Variants in CACNA1I observed in about 807,000 individuals in gnomAD.
CACNA1I encodes the protein calcium voltage-gated channel subunit alpha1 I.
Under a neutral mutation model 201.6 loss-of-function variants are expected in CACNA1I, and 74 were observed. The observed-to-expected ratio is 0.37, with a 90% CI of 0.30 to 0.45. CACNA1I has a LOEUF of 0.45. Among genes scored for constraint, CACNA1I ranks in the 20% least tolerant of loss-of-function variants. CACNA1I has a pLI of 1.00. For synonymous variants in CACNA1I, 1,431 were observed against 1,345.2 expected, an observed-to-expected ratio of 1.06 and a Z score of -1.40; for missense variants, 2,346 against 3,138.1, an observed-to-expected ratio of 0.75 and a Z score of 6.03.
chr22:39,648,248 C>T lies in CACNA1I; in HGVS notation c.1567+322C>T, dbSNP rs963716919. Among the ~76,000 whole-genome samples, 4 of 152,076 alleles carry T rather than the reference C, an allele frequency of 2.6e-5. No individual in the cohort carries two copies. Among genetic ancestry groups the T allele is most frequent in the Admixed American group, 1.3e-4 (2 of 15,286 alleles). On this transcript the variant is annotated intron_variant, in intron 9 of 36. Coordinates refer to ENST00000402142, the MANE Select transcript of CACNA1I (RefSeq NM_021096.4). This position sits in a 1 kb window ranked among gnomAD's most constrained non-coding sequence, Gnocchi z 5.4. ...CGTCCTCGGGTGCCAGCCATCCAGG[C>T]GTGGGCTCGGAGGAGGCCCCAGGTG...
Position 39,677,458 on chromosome 22 carries a change from G to C in CACNA1I, c.4933+39G>C, listed in dbSNP as rs1318501806. 2 of 1,397,556 alleles carry C rather than the reference G, an allele frequency of 1.4e-6. No homozygotes were observed. The highest frequency in any genetic ancestry group is 2.7e-5 in the South Asian group (2 of 73,900). 86.6% of individuals were successfully genotyped at this position (1,397,556 alleles called of 1,614,324 possible). On this transcript the variant is annotated intron_variant, in intron 30 of 36. Coordinates refer to ENST00000402142, the MANE Select transcript of CACNA1I (RefSeq NM_021096.4). This position sits in a 1 kb window ranked among gnomAD's most constrained non-coding sequence, Gnocchi z 4.8. ...AGAGCAGGCCCGTGGTGGGGGTGCA[G>C]CAGGGCTGCAGGAGGAACTGGGGGG...
At chr22:39,613,390 T>C (rs186245846) in intron 3 of CACNA1I, among the ~76,000 whole-genome samples, 7 of 152,284 alleles carry the variant, frequency 4.6e-5, no homozygotes, top group Admixed American at 6.5e-5. Context: ...AGAGCTCATC[T>C]CTGCCTGGGG....
At chr22:39,597,027 TGTTAA>T (rs1932908217) in intron 1 of CACNA1I, among the ~76,000 whole-genome samples, 1 of 152,192 alleles carries the variant, frequency 6.6e-6, no homozygotes, top group Non-Finnish European at 1.5e-5. Flanking sequence ...AGTCATTGCC[TGTTAA>T]GTTCAGTCAG....
At chr22:39,598,936 C>G in intron 2 of CACNA1I, among the ~76,000 whole-genome samples, 1 of 106,688 alleles carries the variant, frequency 9.4e-6, no homozygotes, top group East Asian at 2.8e-4. Flanking sequence ...CTTTCTGCCT[C>G]TTGGGTTTTT....
At chr22:39,620,140 C>T (rs533299235) in intron 4 of CACNA1I, among the ~76,000 whole-genome samples, 6 of 121,572 alleles carry the variant, frequency 4.9e-5, no homozygotes, top group African/African-American at 1.7e-4. Context: ...TCCATCCATC[C>T]ACCCACCCAT....
At position 39,663,794 on chromosome 22, in the gene CACNA1I, T is replaced by G. The variant is rs1288329743; in HGVS notation, c.3550T>G (p.Cys1184Gly). The change falls in exon 19 of 37, where the codon TGC becomes GGC. Residue 1184 changes from cysteine to glycine, a missense_variant. By Grantham distance (159) the Cys-to-Gly change is radical (BLOSUM62 -3). This residue lies in a region of CACNA1I where 158 missense variants were observed against 231.6 expected (regional missense o/e 0.68). Coordinates refer to ENST00000402142, the MANE Select transcript of CACNA1I (RefSeq NM_021096.4). ...YVVLAFIFLN[C>G]ITIALERPQI... ...CGTCCTGGCCTTCATCTTTCTCAAC[T>G]GCATCACCATCGCCCTGGAGCGGCC... 6.5e-7 allele frequency: 1 copy of G among 1,531,848 alleles called. No individual in the cohort carries two copies. The highest frequency in any genetic ancestry group is 8.9e-7 in the Non-Finnish European group (1 of 1,127,306). 94.9% of individuals were successfully genotyped at this position (1,531,848 alleles called of 1,614,324 possible).
chr22:39,673,829 A>T (rs1024504441), intron 28 of CACNA1I, 134 bp from the exon 29 acceptor site: 2 of 735,584 alleles, frequency 2.7e-6, no homozygotes, highest in Non-Finnish European at 4.5e-6. Flanking sequence ...GTAATGTGGT[A>T]TCTGAGAGCC....
rs764074197 is a variant in CACNA1I, at chr22:39,664,073, A to G, written c.3598-18A>G. 4 of 1,611,594 alleles carry G rather than the reference A, an allele frequency of 2.5e-6. No individual in the cohort carries two copies. Among genetic ancestry groups the G allele is most frequent in the Non-Finnish European group, 3.4e-6 (4 of 1,178,052 alleles). Reference sequence around the variant, plus strand: ...CTCTGGGAGCCCCTGAGCCTATGGTATCTCCCGATGCTTTCAGGAACGCAT... The same window carrying G: ...CTCTGGGAGCCCCTGAGCCTATGGTGTCTCCCGATGCTTTCAGGAACGCAT... On this transcript the variant is annotated intron_variant, in intron 19 of 36. Coordinates refer to ENST00000402142, the MANE Select transcript of CACNA1I (RefSeq NM_021096.4).
intron 27 of CACNA1I, 146 bp from the exon 28 acceptor site, chr22:39,672,803 A>T (rs1175292220): frequency 1.3e-6 from 1 of 758,242 alleles, no homozygotes; most frequent in African/African-American, 1.8e-5. Flanking sequence ...TGGCGTTAGG[A>T]GGGGCTAGTA....
At position 39,659,777 on chromosome 22, in the gene CACNA1I, C is replaced by T. The variant is rs143888179; in HGVS notation, c.2529C>T (p.Val843=). The T allele has an allele frequency of 9.7e-4, 1,558 of 1,613,952 alleles. 12 individuals carry two copies. In the African/African-American group the frequency reaches 0.018, roughly 19 times the overall value. Residue 843 remains valine, a synonymous_variant, in exon 14 of 37, where the codon GTC becomes GTT. Transcript: ENST00000402142. The surrounding 1 kb of genome is among the most constrained non-coding windows in gnomAD (Gnocchi z 4.3). The part of the protein sequence containing the change: ...STSPWASLYF[V]ALMTFGNYVL... Reference sequence around the variant, plus strand: ...CTCCCTGGGCCTCCCTCTACTTTGTCGCCCTCATGACCTTCGGCAACTATG... The same window carrying T: ...CTCCCTGGGCCTCCCTCTACTTTGTTGCCCTCATGACCTTCGGCAACTATG...
chr22:39,583,371 TCC>T (rs1465193537), intron 1 of CACNA1I, among the ~76,000 whole-genome samples: 344 of 4,300 alleles, frequency 0.08, 3 homozygotes, highest in Middle Eastern at 0.17. Flanking sequence ...CATCTATCCA[TCC>T]ATCCATCCAT....
In CACNA1I at chr22:39,665,741, T is replaced by G; in HGVS notation, c.3978+117T>G. 6.5e-7 allele frequency: 1 copy of G among 1,537,620 alleles called. No homozygotes were observed. Among genetic ancestry groups the G allele is most frequent in the Non-Finnish European group, 8.9e-7 (1 of 1,124,790 alleles). ...CTCATGCGCCTTGCCAGCTGTGGGC[T>G]TCTCCTCCAGGGAGGGAGACAGACA... On this transcript the variant is annotated intron_variant, in intron 22 of 36. Transcript: ENST00000402142. The surrounding 1 kb of genome is among the most constrained non-coding windows in gnomAD (Gnocchi z 5.5).
intron 1 of CACNA1I, among the ~76,000 whole-genome samples, chr22:39,591,745 A>C (rs113991405): frequency 9.9e-4 from 150 of 151,818 alleles, no homozygotes; most frequent in Middle Eastern, 3.4e-3. Flanking sequence ...TTTTTAGTAG[A>C]GACAGGGTTT....
In CACNA1I at chr22:39,666,621, C is replaced by T. The variant is rs1935206265; in HGVS notation, c.4104+615C>T. ...CCCTTGGCTGGCTGCCTCCCCTTCC[C>T]TGCTCTCATTTCTCGAGGGCCTGCC... On this transcript the variant is annotated intron_variant, in intron 23 of 36. Coordinates refer to ENST00000402142, the MANE Select transcript of CACNA1I (RefSeq NM_021096.4). This position sits in a 1 kb window ranked among gnomAD's most constrained non-coding sequence, Gnocchi z 4.1. Among the ~76,000 whole-genome samples, 1 of 152,192 alleles carries T rather than the reference C, an allele frequency of 6.6e-6. No homozygotes were observed. Among genetic ancestry groups the T allele is most frequent in the South Asian group, 2.1e-4 (1 of 4,828 alleles).
intron 24 of CACNA1I, 138 bp from the exon 25 acceptor site, chr22:39,669,900 C>T: frequency 2.2e-6 from 2 of 906,806 alleles, no homozygotes; most frequent in Non-Finnish European, 3.6e-6. Flanking sequence ...CCTGCTGCCT[C>T]ATTTAGACCT....
At position 39,646,837 on chromosome 22, in the gene CACNA1I, C is replaced by T. The variant is rs775806524; in HGVS notation, c.1418C>T (p.Ala473Val). 13 of 1,534,898 alleles carry T rather than the reference C, an allele frequency of 8.5e-6. No homozygotes were observed. The South Asian group carries it at 9.7e-5, about 11-fold the overall frequency. The change falls in exon 8 of 37, where the codon GCC (alanine) becomes GTC (valine). Residue 473 changes from alanine to valine, a missense_variant. Transcript: ENST00000402142. ...RRQALGPEAP[A>V]PAKPGPHAKE... ...CAGGCCCTGGGCCCGGAGGCCCCGGCCCCCGCCAAACCTGGGCCCCACGCC... is the reference window on the plus strand; with the variant it reads ...CAGGCCCTGGGCCCGGAGGCCCCGGTCCCCGCCAAACCTGGGCCCCACGCC...
rs575714936 is a variant in CACNA1I, at chr22:39,580,124, A to C, written c.236+9136A>C. Among the ~76,000 whole-genome samples, 5 of 152,264 alleles carry C rather than the reference A, an allele frequency of 3.3e-5. No homozygotes were observed. In the East Asian group the frequency reaches 9.7e-4, roughly 29 times the overall value. On this transcript the variant is annotated intron_variant, in intron 1 of 36. Transcript: ENST00000402142. Reference sequence around the variant, plus strand: ...GTTTCACAGGAGATTTGGAGGAGACACACATCAAAGCCATATCTCTGGGGA... The same window carrying C: ...GTTTCACAGGAGATTTGGAGGAGACCCACATCAAAGCCATATCTCTGGGGA...
intron 1 of CACNA1I, among the ~76,000 whole-genome samples, chr22:39,585,232 T>C (rs1337596480): frequency 1.3e-5 from 2 of 150,140 alleles, no homozygotes; most frequent in Non-Finnish European, 3.0e-5. Flanking sequence ...GATAATTTTT[T>C]TTTGCATTTT....
intron 3 of CACNA1I, among the ~76,000 whole-genome samples, chr22:39,604,241 C>T (rs968372968): frequency 1.3e-5 from 2 of 152,122 alleles, no homozygotes; most frequent in Non-Finnish European, 2.9e-5. Flanking sequence ...CCTGTCTGCT[C>T]ATATTTATAA....
Sources: gnomAD v4.1 joint callset for allele counts (sites outside exome capture counted in the v4.1 genomes callset) on GRCh38, gnomAD v4.1.1 for gene constraint, gnomAD v4.1.1 regional missense constraint, Gnocchi (gnomAD v3.1) non-coding constraint, MANE v1.5 for transcripts, NCBI Gene and HGNC (gene_info 2026-07-23, HGNC 2026-07-21) for gene names.